The following CHAF1B variants were observed in gnomAD, a reference collection of about 807,000 sequenced individuals.
CHAF1B encodes the protein CAF-1 subunit B.
Under a neutral mutation model 60.7 loss-of-function variants are expected in CHAF1B, and 10 were observed. The ratio of observed to expected loss-of-function variants is 0.16; its 90% CI spans 0.10 to 0.28. The LOEUF is 0.28. Among genes scored for constraint, CHAF1B ranks in the 10% least tolerant of loss-of-function variants. CHAF1B has a pLI of 1.00. For missense variants in CHAF1B, 558 were observed against 708.4 expected (o/e 0.79, Z 2.41); for synonymous variants, 261 against 266.1 (o/e 0.98, Z 0.19).
intron 11 of CHAF1B, 94 bp from the exon 12 acceptor site, chr21:36,412,790 A>T: frequency 8.0e-7 from 1 of 1,246,294 alleles, no homozygotes; most frequent in Admixed American, 2.4e-5. Context: ...TTTTGCCTTC[A>T]AACAAGCTTG....
chr21:36,412,321 C>T (rs1235130169), intron 11 of CHAF1B, among the ~76,000 whole-genome samples: 4 of 152,092 alleles, frequency 2.6e-5, no homozygotes, highest in Non-Finnish European at 5.9e-5. Context: ...CTTCTGCCAC[C>T]TTTTGGTCCC....
intron 7 of CHAF1B, among the ~76,000 whole-genome samples, chr21:36,401,086 G>C (rs1445510566): frequency 6.6e-6 from 1 of 152,016 alleles, no homozygotes; most frequent in African/African-American, 2.4e-5. Flanking sequence ...GGCTAACATG[G>C]TGAAACCCTG....
At chr21:36,393,749 C>T (rs1197266864) in intron 4 of CHAF1B, among the ~76,000 whole-genome samples, 9 of 151,924 alleles carry the variant, frequency 5.9e-5, no homozygotes, top group South Asian at 2.1e-4. Context: ...CCACTGCGAC[C>T]GGTCAGATAT....
At chr21:36,399,933 C>T (rs1601562377) in intron 7 of CHAF1B, among the ~76,000 whole-genome samples, 1 of 152,220 alleles carries the variant, frequency 6.6e-6, no homozygotes, top group Non-Finnish European at 1.5e-5. Flanking sequence ...AATCCCAGCA[C>T]TTTGGGAGAC....
At chr21:36,391,481 T>A (rs60992072) in intron 3 of CHAF1B, 70 bp from the exon 4 acceptor site, 88,915 of 790,998 alleles carry the variant, frequency 0.11, 6,654 homozygotes, top group African/African-American at 0.4. Flanking sequence ...AAAAAAAAAA[T>A]GAAAATAAAA....
In CHAF1B at chr21:36,411,379, G is replaced by T. The variant is rs977838043; in HGVS notation, c.920-84G>T. 4 of 1,545,702 alleles carry T rather than the reference G, an allele frequency of 2.6e-6. No individual in the cohort carries two copies. In the African/African-American group the frequency reaches 4.1e-5, roughly 16 times the overall value. On this transcript the variant is annotated intron_variant, in intron 10 of 13. Coordinates refer to ENST00000314103, the MANE Select transcript of CHAF1B (RefSeq NM_005441.3). ...TCCACCCGGCTCGGCCTCCCAAAGTGCTGGGATTCTAGGCGTGAGCCATTG... is the reference window on the plus strand; with the variant it reads ...TCCACCCGGCTCGGCCTCCCAAAGTTCTGGGATTCTAGGCGTGAGCCATTG...
chr21:36,398,639 C>T (rs775549423), intron 6 of CHAF1B, among the ~76,000 whole-genome samples: 9 of 152,344 alleles, frequency 5.9e-5, no homozygotes, highest in African/African-American at 1.7e-4. Flanking sequence ...GGATTACAGG[C>T]GTGAGCCACC....
Position 36,408,741 on chromosome 21 carries a change from CTCCCT to C in CHAF1B, c.758-14_758-10del. On this transcript the variant is annotated splice_polypyrimidine_tract_variant and intron_variant, in intron 8 of 13. Transcript: ENST00000314103. ...AAACAGTGACTTTTCTTTCCTCTCC[CTCCCT>C]TCCCTGTTCCCCAGCTGGATGTGTG... 1 of 1,573,804 alleles carries C rather than the reference CTCCCT, an allele frequency of 6.4e-7. No individual in the cohort carries two copies. Among genetic ancestry groups the C allele is most frequent in the Non-Finnish European group, 8.7e-7 (1 of 1,143,932 alleles).
rs749877526 is a variant in CHAF1B, at chr21:36,411,564, G to A, written c.1021G>A (p.Val341Met). Residue 341 changes from valine (V) to methionine (M), a missense_variant, in exon 11 of 14, where the codon GTG becomes ATG. By Grantham distance (21) the Val-to-Met change is conservative. This residue lies in a region of CHAF1B where 325 missense variants were observed against 493.5 expected (regional missense o/e 0.66). Coordinates refer to ENST00000314103, the MANE Select transcript of CHAF1B (RefSeq NM_005441.3). ...CCAGCAGTCCTTCCCTTTTGGTTAC[G>A]TGTCTAATATACATTACCACACCCT... ...DTQQSFPFGY[V>M]SNIHYHTLSD... is the part of the protein sequence containing the mutation. 3.0e-5 allele frequency: 48 copies of A among 1,614,046 alleles called. No homozygotes were observed. In the Middle Eastern group the frequency reaches 5.0e-4, roughly 17 times the overall value.
chr21:36,391,311 G>C (rs533930034), intron 3 of CHAF1B, among the ~76,000 whole-genome samples: 2 of 151,966 alleles, frequency 1.3e-5, no homozygotes. Context: ...CATAAATGTT[G>C]TTTTAATACC....
chr21:36,399,507 T>C lies in CHAF1B; in HGVS notation c.579-14T>C, dbSNP rs200157692. 6.2e-4 allele frequency: 1,003 copies of C among 1,609,804 alleles called. 2 individuals are homozygous for C. The African/African-American group carries it at 0.01, about 16-fold the overall frequency. On this transcript the variant is annotated splice_polypyrimidine_tract_variant and intron_variant, in intron 6 of 13. Transcript: ENST00000314103. ...TTTACTAGAAGTGGTAAATCAGACA[T>C]GTTCTTTCTTCAGGGTGCTGCGAGT...
chr21:36,386,000 C>T (rs1463787252), intron 1 of CHAF1B, 60 bp from the exon 2 acceptor site: 1 of 1,008,768 alleles, frequency 9.9e-7, no homozygotes, highest in African/African-American at 1.6e-5. Context: ...GCTCCTGGCC[C>T]CTATTCAGCG....
chr21:36,402,954 G>A, intron 8 of CHAF1B, 103 bp downstream of exon 8: 1 of 959,884 alleles, frequency 1.0e-6, no homozygotes, highest in South Asian at 1.4e-5. Context: ...TGATTAGAGT[G>A]GGGGTCCCCG....
intron 11 of CHAF1B, 109 bp from the exon 12 acceptor site, chr21:36,412,775 C>T: frequency 3.0e-6 from 3 of 992,130 alleles, no homozygotes; most frequent in Non-Finnish European, 4.5e-6. Flanking sequence ...TATCTTTTCC[C>T]TGGTTTTTGC....
At chr21:36,386,341 G>A in intron 2 of CHAF1B, 79 bp downstream of exon 2, 1 of 1,545,892 alleles carries the variant, frequency 6.5e-7, no homozygotes, top group Non-Finnish European at 8.8e-7. Context: ...AACCAGTGTC[G>A]GCTGGGCGCG....
Position 36,416,406 on chromosome 21 carries a change from G to C in CHAF1B, c.*40G>C. On this transcript the variant is annotated 3_prime_UTR_variant, in exon 14 of 14. Coordinates refer to ENST00000314103, the MANE Select transcript of CHAF1B (RefSeq NM_005441.3). The stretch of plus-strand genomic sequence containing the variant: ...CTGCTCGAAGCCTACCAGGCTCCCG[G>C]TGTGTGCAGGGAGACGGTAAAGCTG... 1 of 1,558,902 alleles carries C rather than the reference G, an allele frequency of 6.4e-7. No individual in the cohort carries two copies.
chr21:36,392,219 T>G (rs1018366200), intron 4 of CHAF1B, among the ~76,000 whole-genome samples: 1 of 152,046 alleles, frequency 6.6e-6, no homozygotes, highest in Admixed American at 6.6e-5. Flanking sequence ...ACAGCACATG[T>G]TTCAGAGAGC....
In CHAF1B at chr21:36,387,716, C is replaced by T; in HGVS notation, c.245C>T (p.Ala82Val). The T allele has an allele frequency of 6.2e-7, 1 of 1,614,010 alleles. No individual in the cohort carries two copies. The highest frequency in any genetic ancestry group is 8.5e-7 in the Non-Finnish European group (1 of 1,180,006). ...TTTTCTCCAACTGGGGAAATTTTAG[C>T]ATCGGGAGGAGATGGTGAGTATTGC... is the stretch of plus-strand genomic sequence containing the variant. The part of the protein sequence containing the change: ...VRFSPTGEIL[A>V]SGGDDAVILL... Residue 82 changes from alanine (A) to valine (V), a missense_variant, in exon 3 of 14, where the codon GCA (alanine) becomes GTA (valine). Around this residue, in one of 2 missense-constraint regions of CHAF1B, gnomAD observed 325 missense variants for 493.5 expected, o/e 0.66. Coordinates refer to ENST00000314103, the MANE Select transcript of CHAF1B (RefSeq NM_005441.3).
intron 4 of CHAF1B, among the ~76,000 whole-genome samples, chr21:36,393,409 T>A (rs1472876563): frequency 2.0e-5 from 3 of 152,056 alleles, no homozygotes; most frequent in African/African-American, 7.2e-5. Flanking sequence ...TACATTTTTC[T>A]TAGTAAAAAG....
Sources: gnomAD v4.1 joint callset for allele counts (sites outside exome capture counted in the v4.1 genomes callset) on GRCh38, gnomAD v4.1.1 for gene constraint, gnomAD v4.1.1 regional missense constraint, MANE v1.5 for transcripts, NCBI Gene and HGNC (gene_info 2026-07-23, HGNC 2026-07-21) for gene names.